The following CDH6 variants were observed in gnomAD, a reference collection of about 807,000 sequenced individuals.
CDH6 encodes cadherin-6.
In CDH6, 31 loss-of-function variants were observed where a neutral mutation model predicts 78.0. That is an observed-to-expected ratio of 0.40 (90% CI 0.30 to 0.54). The LOEUF is 0.54. Among genes scored for constraint, CDH6 ranks in the 20% least tolerant of loss-of-function variants. CDH6 has a pLI of 0.56. For synonymous variants in CDH6, 376 were observed against 368.8 expected, an observed-to-expected ratio of 1.02 and a Z score of -0.23; for missense variants, 724 against 975.9, an observed-to-expected ratio of 0.74 and a Z score of 3.44.
intron 1 of CDH6, among the ~76,000 whole-genome samples, chr5:31,199,685 G>GTGTGTGTA (rs796740950): frequency 5.0e-4 from 40 of 79,850 alleles, no homozygotes; most frequent in Middle Eastern, 9.8e-3. Context: ...GTGTGTGTGT[G>GTGTGTGTA]TATATATATA....
chr5:31,223,760 G>A (rs1000561860), intron 1 of CDH6, among the ~76,000 whole-genome samples: 2 of 152,132 alleles, frequency 1.3e-5, no homozygotes, highest in African/African-American at 4.8e-5. Flanking sequence ...AAAGAAAGAA[G>A]AATGGATATT....
In CDH6 at chr5:31,313,230, A is replaced by C. The variant is rs537079802; in HGVS notation, c.1254-88A>C. 4,967 of 1,187,974 alleles carry C rather than the reference A, an allele frequency of 4.2e-3. 25 individuals carry two copies. Among genetic ancestry groups the C allele is most frequent in the Non-Finnish European group, 4.5e-3 (3,755 of 828,906 alleles). 73.6% of individuals were successfully genotyped at this position (1,187,974 alleles called of 1,614,324 possible). A position where few individuals can be genotyped will look rare whatever the true frequency, so the allele number is the denominator to read the frequency against. On this transcript the variant is annotated intron_variant, in intron 7 of 11. Coordinates refer to ENST00000265071, the MANE Select transcript of CDH6 (RefSeq NM_004932.4). ...TATGCCACAGATACTCTGGGATATG[A>C]TGTGTACCAGATGTTTTATGATGTT...
Position 31,313,474 on chromosome 5 carries a change from G to T in CDH6, c.1390+20G>T, listed in dbSNP as rs370528050. 1.9e-6 allele frequency: 3 copies of T among 1,607,182 alleles called. No individual in the cohort carries two copies. Among genetic ancestry groups the T allele is most frequent in the South Asian group, 1.1e-5 (1 of 90,360 alleles). ...AGATCAGTAAGTCCTACCTAATACC[G>T]CTGCTGTCCCCTATTAATAGACTGA... On this transcript the variant is annotated intron_variant, in intron 8 of 11. Transcript: ENST00000265071.
At chr5:31,290,863 C>T (rs538081428) in intron 2 of CDH6, among the ~76,000 whole-genome samples, 141 of 152,198 alleles carry the variant, frequency 9.3e-4, no homozygotes, top group Non-Finnish European at 1.5e-3. Context: ...CATTTTCCCA[C>T]TAGTTTTCAA....
chr5:31,313,977 C>G (rs181902788), intron 8 of CDH6, among the ~76,000 whole-genome samples: 1 of 152,000 alleles, frequency 6.6e-6, no homozygotes, highest in East Asian at 1.9e-4. Flanking sequence ...TACAAGCCAT[C>G]AAGTAATCAG....
chr5:31,269,179 T>G (rs559035422), intron 2 of CDH6, among the ~76,000 whole-genome samples: 1 of 152,160 alleles, frequency 6.6e-6, no homozygotes, highest in South Asian at 2.1e-4. Flanking sequence ...AAAAAGTGCT[T>G]TATCTAAATG....
At chr5:31,313,646 C>A (rs949915496) in intron 8 of CDH6, among the ~76,000 whole-genome samples, 192 bp downstream of exon 8, 2 of 152,030 alleles carry the variant, frequency 1.3e-5, no homozygotes, top group African/African-American at 4.8e-5. Flanking sequence ...GGAGAGGCAA[C>A]CATGGAAGTT....
At chr5:31,251,524 T>C (rs1235246479) in intron 1 of CDH6, 1 of 152,200 alleles carries the variant, frequency 6.6e-6, no homozygotes, top group Admixed American at 6.5e-5. Flanking sequence ...AGGGATGCTG[T>C]ATTTTCTTGT....
At chr5:31,301,958 A>G (rs969681725) in intron 5 of CDH6, among the ~76,000 whole-genome samples, 153 bp from the exon 6 acceptor site, 1 of 152,232 alleles carries the variant, frequency 6.6e-6, no homozygotes. Context: ...AAGTAGACAT[A>G]AGAAGAACAG....
intron 1 of CDH6, among the ~76,000 whole-genome samples, chr5:31,197,198 G>A (rs1740193247): frequency 1.3e-5 from 2 of 152,036 alleles, no homozygotes; most frequent in East Asian, 1.9e-4. Context: ...CACATTTTAG[G>A]TAACCTACTC....
chr5:31,322,881 A>C lies in CDH6; in HGVS notation c.1946A>C (p.Lys649Thr). 6.2e-7 allele frequency: 1 copy of C among 1,614,126 alleles called. No homozygotes were observed. The highest frequency in any genetic ancestry group is 8.5e-7 in the Non-Finnish European group (1 of 1,180,006). Residue 649 changes from lysine (K) to threonine (T), a missense_variant, in exon 12 of 12, where the codon AAA (lysine) becomes ACA (threonine). Physicochemically the swap from Lys to Thr is moderately conservative, Grantham distance 78. This residue lies in a region of CDH6 where 220 missense variants were observed against 240.6 expected (regional missense o/e 0.91). Coordinates refer to ENST00000265071, the MANE Select transcript of CDH6 (RefSeq NM_004932.4). ...QRKKEPLIIS[K>T]EDIRDNIVSY... ...AAAAAAGAGCCTTTGATCATTTCCA[A>C]AGAGGACATCAGAGATAACATTGTC...
rs185661945 is a variant in CDH6 at position 31,266,496 on chromosome 5, C to G, written c.-128-850C>G. The stretch of plus-strand genomic sequence containing the variant: ...CAAATATGCTTGATTGTTTATGATA[C>G]AGGCAAAAATTTATAGATAAAGTTT... On this transcript the variant is annotated intron_variant, in intron 1 of 11. Transcript: ENST00000265071. Among the ~76,000 whole-genome samples the G allele has an allele frequency of 2.6e-5, 4 of 152,160 alleles. No homozygotes were observed. The East Asian group carries it at 5.8e-4, about 22-fold the overall frequency.
At chr5:31,302,442 G>A in intron 6 of CDH6, 144 bp downstream of exon 6, 1 of 655,788 alleles carries the variant, frequency 1.5e-6, no homozygotes, top group East Asian at 2.8e-5. Flanking sequence ...GCCAGTTCTG[G>A]CCGGGCATGG....
At chr5:31,202,450 C>T (rs558245502) in intron 1 of CDH6, among the ~76,000 whole-genome samples, 1 of 152,190 alleles carries the variant, frequency 6.6e-6, no homozygotes, top group Non-Finnish European at 1.5e-5. Context: ...GCCTGACCAA[C>T]ATAGTGAAAC....
In CDH6 at chr5:31,294,122, C is replaced by G. The variant is rs752924110; in HGVS notation, c.389C>G (p.Ala130Gly). ...EKPVYILRAQAINRRTGRPVE... is the reference protein window; with the variant it reads ...EKPVYILRAQGINRRTGRPVE... ...CCCGTTTACATCCTTCGAGCTCAAG[C>G]TATAAACAGAAGGACAGGGAGACCC... The change falls in exon 3 of 12, where the codon GCT becomes GGT. Residue 130 changes from alanine to glycine, a missense_variant. Around this residue, in one of 3 missense-constraint regions of CDH6, gnomAD observed 446 missense variants for 684.5 expected, o/e 0.65. Coordinates refer to ENST00000265071, the MANE Select transcript of CDH6 (RefSeq NM_004932.4). The surrounding 1 kb of genome is among the most constrained non-coding windows in gnomAD (Gnocchi z 4.1). 1 of 1,613,846 alleles carries G rather than the reference C, an allele frequency of 6.2e-7. No homozygotes were observed. Among genetic ancestry groups the G allele is most frequent in the Non-Finnish European group, 8.5e-7 (1 of 1,179,928 alleles).
chr5:31,248,271 G>T (rs572272829), intron 1 of CDH6, among the ~76,000 whole-genome samples: 44 of 152,268 alleles, frequency 2.9e-4, no homozygotes, highest in African/African-American at 1.1e-3. Context: ...ACTTTTCTGT[G>T]AACTAAAGCT....
At chr5:31,296,505 A>G (rs1737605029) in intron 3 of CDH6, among the ~76,000 whole-genome samples, 1 of 152,156 alleles carries the variant, frequency 6.6e-6, no homozygotes, top group African/African-American at 2.4e-5. Context: ...GGAATTGCAG[A>G]TTCCAGATGT....
rs1738608699 is a variant in CDH6, at chr5:31,325,602, A to G, written c.*2294A>G. 8.7e-6 allele frequency: 2 copies of G among 231,092 alleles called. No individual in the cohort carries two copies. Among genetic ancestry groups the G allele is most frequent in the Non-Finnish European group, 8.6e-6 (1 of 116,732 alleles). 14.3% of individuals were successfully genotyped at this position (231,092 alleles called of 1,614,324 possible). ...AGAAAGGTATCATCTGAAGTTGAGGATTGACACTAGCAGTTTCCAATGTTT... is the reference window on the plus strand; with the variant it reads ...AGAAAGGTATCATCTGAAGTTGAGGGTTGACACTAGCAGTTTCCAATGTTT... On this transcript the variant is annotated 3_prime_UTR_variant, in exon 12 of 12. Transcript: ENST00000265071.
rs1477856385 is a variant in CDH6, at chr5:31,326,711, A to C, written c.*3403A>C. The C allele has an allele frequency of 1.5e-4, 8 of 53,096 alleles. No individual in the cohort carries two copies. The Admixed American group carries it at 2.2e-3, about 14-fold the overall frequency. 3.3% of individuals were successfully genotyped at this position (53,096 alleles called of 1,614,324 possible). On this transcript the variant is annotated 3_prime_UTR_variant, in exon 12 of 12. Coordinates refer to ENST00000265071, the MANE Select transcript of CDH6 (RefSeq NM_004932.4). ...TTTTTTTTTTTTTTTTTTTTTTTTG[A>C]GACAGAATCTCGCTCTGTCGCCCAG...
Sources: gnomAD v4.1 joint callset for allele counts (sites outside exome capture counted in the v4.1 genomes callset) on GRCh38, gnomAD v4.1.1 for gene constraint, gnomAD v4.1.1 regional missense constraint, Gnocchi (gnomAD v3.1) non-coding constraint, MANE v1.5 for transcripts, NCBI Gene and HGNC (gene_info 2026-07-23, HGNC 2026-07-21) for gene names.